The following HMGCLL1 variants were observed in gnomAD, a reference collection of about 807,000 sequenced individuals.
HMGCLL1 encodes the protein 3-hydroxy-3-methylglutaryl-CoA lyase like 1.
A neutral mutation model predicts 39.1 loss-of-function variants in HMGCLL1; 36 were observed. The ratio of observed to expected loss-of-function variants is 0.92; its 90% CI spans 0.71 to 1.22. The LOEUF is 1.22. Among genes scored for constraint, HMGCLL1 ranks in the 50% most tolerant of loss-of-function variants. The pLI is 0.00. For missense variants in HMGCLL1, 451 were observed against 416.5 expected, an observed-to-expected ratio of 1.08 and a Z score of -0.72; for synonymous variants, 149 against 144.0, an observed-to-expected ratio of 1.03 and a Z score of -0.25.
chr6:55,590,942 GAGTC>G, the HMGCLL1 span, among the ~76,000 whole-genome samples: 7 of 151,884 alleles, frequency 4.6e-5, no homozygotes, highest in African/African-American at 7.2e-5. Flanking sequence ...AAGAAACTGA[GAGTC>G]AGAGAACTTG....
At chr6:55,625,073 G>C in the HMGCLL1 span, among the ~76,000 whole-genome samples, 1 of 152,222 alleles carries the variant, frequency 6.6e-6, no homozygotes, top group South Asian at 2.1e-4. Flanking sequence ...GCCTTTGGCA[G>C]GTTCCAATAG....
At chr6:55,645,539 C>G in the HMGCLL1 span, among the ~76,000 whole-genome samples, 2 of 151,950 alleles carry the variant, frequency 1.3e-5, no homozygotes, top group African/African-American at 4.8e-5. Context: ...GTGGGTCTGT[C>G]AAATATGCCT....
chr6:55,452,667 T>C (rs1042374343), intron 7 of HMGCLL1, among the ~76,000 whole-genome samples: 1 of 152,082 alleles, frequency 6.6e-6, no homozygotes, highest in African/African-American at 2.4e-5. Context: ...CAGAATCAGG[T>C]AAAAAAAGAC....
intron 5 of HMGCLL1, among the ~76,000 whole-genome samples, chr6:55,499,957 C>G (rs1766788700): frequency 6.6e-6 from 1 of 152,044 alleles, no homozygotes; most frequent in Non-Finnish European, 1.5e-5. Context: ...AGACAAACAT[C>G]CATTTCAATC....
At chr6:55,509,503 A>G (rs1482063488) in intron 5 of HMGCLL1, among the ~76,000 whole-genome samples, 1 of 151,860 alleles carries the variant, frequency 6.6e-6, no homozygotes, top group East Asian at 1.9e-4. Context: ...GACACACTCA[A>G]TGCAACGTGA....
At chr6:55,654,959 A>G in the HMGCLL1 span, among the ~76,000 whole-genome samples, 2 of 151,920 alleles carry the variant, frequency 1.3e-5, no homozygotes, top group African/African-American at 2.4e-5. Context: ...AAAAATCCCA[A>G]TTTGAATCCC....
At chr6:55,599,376 C>T in the HMGCLL1 span, among the ~76,000 whole-genome samples, 1 of 152,078 alleles carries the variant, frequency 6.6e-6, no homozygotes, top group Non-Finnish European at 1.5e-5. Context: ...CATTTTCCAG[C>T]TATATCTGCA....
chr6:55,451,624 G>T (rs1764087776), intron 7 of HMGCLL1, among the ~76,000 whole-genome samples: 2 of 152,168 alleles, frequency 1.3e-5, no homozygotes, highest in South Asian at 2.1e-4. Flanking sequence ...CAGTTATAGT[G>T]ATGTATATAG....
chr6:55,465,522 C>T (rs1764760178), intron 7 of HMGCLL1, among the ~76,000 whole-genome samples: 1 of 151,714 alleles, frequency 6.6e-6, no homozygotes, highest in Non-Finnish European at 1.5e-5. Context: ...GTGATGGGTA[C>T]CTTGCTTGAT....
chr6:55,618,741 A>G, the HMGCLL1 span, among the ~76,000 whole-genome samples: 1 of 152,168 alleles, frequency 6.6e-6, no homozygotes, highest in Non-Finnish European at 1.5e-5. Context: ...TTTTAGTTAC[A>G]TTATTAGCAA....
the HMGCLL1 span, among the ~76,000 whole-genome samples, chr6:55,610,689 A>G: frequency 3.3e-3 from 500 of 152,318 alleles, 4 homozygotes; most frequent in Middle Eastern, 0.01. Flanking sequence ...AGAGGACGCA[A>G]GTAAGATACT....
intron 3 of HMGCLL1, among the ~76,000 whole-genome samples, chr6:55,532,808 ATAATAAT>A (rs1768764249): frequency 7.8e-4 from 1 of 1,278 alleles, no homozygotes; most frequent in Non-Finnish European, 2.1e-3. Context: ...CTCAAACATA[ATAATAAT>A]AATAATAATA....
the HMGCLL1 span, among the ~76,000 whole-genome samples, chr6:55,618,793 A>C: frequency 6.6e-6 from 1 of 152,126 alleles, no homozygotes; most frequent in Non-Finnish European, 1.5e-5. Flanking sequence ...AAAAGCTAAA[A>C]ATCATTGAAA....
In HMGCLL1 at chr6:55,516,560, G is replaced by A. The variant is rs745865138; in HGVS notation, c.341C>T (p.Pro114Leu). ...TEVMKGIHQY[P>L]GVRYPVLTPN... ...AGTAAGGACAGGATAGCGAACTCCT[G>A]GATATTGATGAATGCCTTTCATTAC... Residue 114 changes from proline (P) to leucine (L), a missense_variant, in exon 4 of 9, where the codon CCA becomes CTA. Coordinates refer to ENST00000274901, the MANE Select transcript of HMGCLL1 (RefSeq NM_001042406.2). 3 of 1,603,222 alleles carry A rather than the reference G, an allele frequency of 1.9e-6. No homozygotes were observed. The highest frequency in any genetic ancestry group is 2.6e-6 in the Non-Finnish European group (3 of 1,172,730).
the HMGCLL1 span, among the ~76,000 whole-genome samples, chr6:55,666,406 G>A: frequency 0.055 from 8,351 of 151,554 alleles, 392 homozygotes; most frequent in Non-Finnish European, 0.077. Flanking sequence ...TGAAGTGCCC[G>A]AGTTAAAGTC....
the HMGCLL1 span, among the ~76,000 whole-genome samples, chr6:55,669,830 A>T: frequency 1.3e-5 from 2 of 151,856 alleles, no homozygotes; most frequent in South Asian, 4.1e-4. Context: ...AAAGATTTTT[A>T]AAAAATGAAC....
chr6:55,655,171 C>T, the HMGCLL1 span, among the ~76,000 whole-genome samples: 1 of 151,950 alleles, frequency 6.6e-6, no homozygotes, highest in Non-Finnish European at 1.5e-5. Flanking sequence ...TTTCAACCTA[C>T]TCTACTTTTA....
intron 7 of HMGCLL1, among the ~76,000 whole-genome samples, chr6:55,444,401 A>G (rs986620561): frequency 6.6e-6 from 1 of 152,074 alleles, no homozygotes; most frequent in Admixed American, 6.6e-5. Flanking sequence ...ACACACATAT[A>G]TCTATATAAA....
upstream of HMGCLL1, among the ~76,000 whole-genome samples, chr6:55,582,302 T>C (rs1267873264): frequency 6.6e-6 from 1 of 152,204 alleles, no homozygotes; most frequent in African/African-American, 2.4e-5. Context: ...CTCTGGCATG[T>C]TGTAGGCAGC....
Sources: gnomAD v4.1 joint callset for allele counts (sites outside exome capture counted in the v4.1 genomes callset) on GRCh38, gnomAD v4.1.1 for gene constraint, MANE v1.5 for transcripts, NCBI Gene and HGNC (gene_info 2026-07-23, HGNC 2026-07-21) for gene names.